Variants in AKR1D1 observed in about 807,000 individuals in gnomAD.
AKR1D1 encodes aldo-keto reductase family 1 member D1.
AKR1D1 carries 32 observed loss-of-function variants against 42.6 expected under a neutral mutation model. That is an observed-to-expected ratio of 0.75 (90% CI 0.57 to 1.01). The LOEUF (loss-of-function observed/expected upper bound fraction) is 1.01, where lower values mean the gene tolerates loss of function less well. Ranked by LOEUF, AKR1D1 falls within the 50% of genes least tolerant of loss-of-function variation. The probability of loss-of-function intolerance (pLI) is 0.00; values close to 1 mark genes in which losing one functional copy is unlikely to be tolerated. For synonymous variants in AKR1D1, 123 were observed against 135.5 expected (o/e 0.91, Z 0.64); for missense variants, 364 against 402.2 (o/e 0.91, Z 0.81).
chr7:138,114,074 A>G (rs1439740185), intron 8 of AKR1D1, among the ~76,000 whole-genome samples: 5 of 152,216 alleles, frequency 3.3e-5, no homozygotes, highest in African/African-American at 1.2e-4. Flanking sequence ...CTAAAACAAC[A>G]GCAGCACAAA....
intron 4 of AKR1D1, among the ~76,000 whole-genome samples, chr7:138,098,823 C>G (rs1194207964): frequency 6.6e-6 from 1 of 151,964 alleles, no homozygotes; most frequent in Non-Finnish European, 1.5e-5. Flanking sequence ...ACCCAACAAG[C>G]AGGAAGAAGA....
At chr7:138,115,391 C>T (rs1036638221) in intron 8 of AKR1D1, among the ~76,000 whole-genome samples, 5 of 152,102 alleles carry the variant, frequency 3.3e-5, no homozygotes, top group Admixed American at 1.3e-4. Context: ...GCTAAGGCTA[C>T]GCTCCAGCCT....
chr7:138,084,278 T>C (rs1027383619), intron 1 of AKR1D1, among the ~76,000 whole-genome samples: 1 of 151,602 alleles, frequency 6.6e-6, no homozygotes, highest in Non-Finnish European at 1.5e-5. Flanking sequence ...TTTTTCTTTT[T>C]TTGAGACAGG....
intron 4 of AKR1D1, among the ~76,000 whole-genome samples, chr7:138,104,816 T>C (rs1029221186): frequency 6.6e-6 from 1 of 152,114 alleles, no homozygotes; most frequent in Non-Finnish European, 1.5e-5. Flanking sequence ...TGGAGTGCAG[T>C]GACACAGTTA....
intron 1 of AKR1D1, among the ~76,000 whole-genome samples, chr7:138,079,824 A>G (rs981525280): frequency 3.3e-5 from 5 of 152,240 alleles, no homozygotes; most frequent in Non-Finnish European, 7.3e-5. Flanking sequence ...TCCCATGGTC[A>G]GATGTACTAT....
chr7:138,108,579 A>G (rs1794477419), intron 7 of AKR1D1, among the ~76,000 whole-genome samples: 1 of 152,320 alleles, frequency 6.6e-6, no homozygotes, highest in Non-Finnish European at 1.5e-5. Flanking sequence ...TGATTTATTT[A>G]TATGTGGAAC....
chr7:138,076,910 C>T (rs996126111), intron 1 of AKR1D1, among the ~76,000 whole-genome samples: 1 of 152,046 alleles, frequency 6.6e-6, no homozygotes, highest in South Asian at 2.1e-4. Context: ...ACATGAAATT[C>T]GTGTGTTTAT....
At position 138,100,699 on chromosome 7, in the gene AKR1D1, C is replaced by CTTTTTTTT. The variant is rs749956421; in HGVS notation, c.456+2772_456+2779dup. On this transcript the variant is annotated intron_variant, in intron 4 of 8. Transcript: ENST00000242375. ...AAATCCACATTTATAGTCAGAGATT[C>CTTTTTTTT]TTTTTTTTTTTTTTTTTTTTTTTGA... Among the ~76,000 whole-genome samples the CTTTTTTTT allele has an allele frequency of 2.4e-4, 21 of 88,398 alleles. 2 individuals are homozygous for CTTTTTTTT. The highest frequency in any genetic ancestry group is 6.8e-4 in the African/African-American group (15 of 21,984). 58.0% of individuals were successfully genotyped at this position (88,398 alleles called of 152,430 possible). A position where few individuals can be genotyped will look rare whatever the true frequency, so the allele number is the denominator to read the frequency against.
At chr7:138,100,088 C>CAAAAAAAAAAAAAAAAA (rs59361346) in intron 4 of AKR1D1, among the ~76,000 whole-genome samples, 18 of 43,566 alleles carry the variant, frequency 4.1e-4, no homozygotes, top group South Asian at 1.7e-3. Flanking sequence ...GATTTCATCT[C>CAAAAAAAAAAAAAAAAA]AAAAAAAAAA....
chr7:138,090,189 C>G (rs1030579076), intron 2 of AKR1D1, among the ~76,000 whole-genome samples: 1 of 152,236 alleles, frequency 6.6e-6, no homozygotes, highest in Non-Finnish European at 1.5e-5. Context: ...CAAAGAGACC[C>G]AGAGTAGCAA....
chr7:138,088,713 G>A lies in AKR1D1; in HGVS notation c.206G>A (p.Arg69Lys), dbSNP rs1366264065. ...QNEHEVGEAI[R>K]EKIAEGKVRR... ...GAACACGAAGTTGGGGAGGCCATCAGGGAGAAGATAGCAGAAGGAAAGGTG... is the reference window on the plus strand; with the variant it reads ...GAACACGAAGTTGGGGAGGCCATCAAGGAGAAGATAGCAGAAGGAAAGGTG... Residue 69 changes from arginine to lysine, a missense_variant, in exon 2 of 9, where the codon AGG becomes AAG. Arg to Lys is a conservative substitution (Grantham distance 26). Transcript: ENST00000242375. The A allele has an allele frequency of 1.2e-6, 2 of 1,613,374 alleles. No individual in the cohort carries two copies. Among genetic ancestry groups the A allele is most frequent in the African/African-American group, 1.3e-5 (1 of 75,008 alleles).
intron 1 of AKR1D1, among the ~76,000 whole-genome samples, chr7:138,083,966 G>A (rs886571552): frequency 2.6e-5 from 4 of 152,096 alleles, no homozygotes; most frequent in Non-Finnish European, 1.5e-5. Flanking sequence ...TGAAAAACAA[G>A]TATTTTCTTT....
intron 3 of AKR1D1, among the ~76,000 whole-genome samples, chr7:138,093,325 C>T (rs189606255): frequency 6.6e-6 from 1 of 152,176 alleles, no homozygotes; most frequent in Non-Finnish European, 1.5e-5. Context: ...CCTCGGCCTC[C>T]CAAAGTGTTG....
intron 2 of AKR1D1, among the ~76,000 whole-genome samples, chr7:138,090,782 T>C (rs1352664132): frequency 6.6e-6 from 1 of 152,204 alleles, no homozygotes; most frequent in East Asian, 1.9e-4. Flanking sequence ...TCTCAGACAC[T>C]TAAGGGTACA....
intron 4 of AKR1D1, among the ~76,000 whole-genome samples, chr7:138,104,957 C>A (rs1035019162): frequency 4.0e-4 from 61 of 152,198 alleles, no homozygotes; most frequent in African/African-American, 1.3e-3. Flanking sequence ...TGAAGTCTCA[C>A]TCTGTTGCCC....
chr7:138,080,548 C>T (rs1803032561), intron 1 of AKR1D1, among the ~76,000 whole-genome samples: 1 of 152,160 alleles, frequency 6.6e-6, no homozygotes, highest in African/African-American at 2.4e-5. Context: ...TATGTTCCAT[C>T]CCATTTAATA....
At chr7:138,092,209 A>G (rs1200582962) in intron 3 of AKR1D1, among the ~76,000 whole-genome samples, 3 of 152,034 alleles carry the variant, frequency 2.0e-5, no homozygotes, top group Non-Finnish European at 4.4e-5. Flanking sequence ...ATTCAATGCA[A>G]TTTCTATTAT....
intron 8 of AKR1D1, among the ~76,000 whole-genome samples, chr7:138,115,862 A>G (rs1348940827): frequency 1.3e-5 from 2 of 152,172 alleles, no homozygotes; most frequent in Non-Finnish European, 2.9e-5. Flanking sequence ...CAGCAAACTT[A>G]TTTTGCTACT....
At chr7:138,078,227 G>T in intron 1 of AKR1D1, among the ~76,000 whole-genome samples, 1 of 152,180 alleles carries the variant, frequency 6.6e-6, no homozygotes, top group East Asian at 1.9e-4. Flanking sequence ...CTCCCAAAGT[G>T]CTGGAATTAT....
Sources: allele counts gnomAD v4.1 joint callset (sites outside exome capture counted in the v4.1 genomes callset), GRCh38; gene constraint gnomAD v4.1.1; transcripts MANE v1.5; gene names NCBI Gene and HGNC (gene_info 2026-07-23, HGNC 2026-07-21).